FSTL4: variants seen among roughly 807,000 people sequenced by gnomAD.
The protein encoded by FSTL4 is follistatin like 4.
A neutral mutation model predicts 78.2 loss-of-function variants in FSTL4; 28 were observed. The ratio of observed to expected loss-of-function variants is 0.36; its 90% CI spans 0.27 to 0.49. The LOEUF (loss-of-function observed/expected upper bound fraction) is 0.49, where lower values mean the gene tolerates loss of function less well. Among genes scored for constraint, FSTL4 ranks in the 20% least tolerant of loss-of-function variants. The pLI, the probability that FSTL4 is intolerant of heterozygous loss-of-function variation, is 0.98. For synonymous variants in FSTL4, 422 were observed against 440.5 expected, an observed-to-expected ratio of 0.96 and a Z score of 0.53; for missense variants, 922 against 1,084.9, an observed-to-expected ratio of 0.85 and a Z score of 2.11.
chr5:133,472,455 A>C (rs1757844679), intron 3 of FSTL4, among the ~76,000 whole-genome samples: 1 of 152,214 alleles, frequency 6.6e-6, no homozygotes, highest in African/African-American at 2.4e-5. Flanking sequence ...TCCAGAAGAA[A>C]GGACTCCATA....
chr5:133,318,868 T>C (rs1287681892), intron 4 of FSTL4, among the ~76,000 whole-genome samples: 1 of 152,194 alleles, frequency 6.6e-6, no homozygotes, highest in Non-Finnish European at 1.5e-5. Flanking sequence ...CAAGATTCCT[T>C]TCTGGGAGCC....
chr5:133,339,864 C>T (rs1754545600), intron 4 of FSTL4, among the ~76,000 whole-genome samples: 1 of 152,232 alleles, frequency 6.6e-6, no homozygotes, highest in South Asian at 2.1e-4. Flanking sequence ...AGCTCTGCCC[C>T]TGGCTAGGAC....
At chr5:133,303,628 G>T (rs139157289) in intron 6 of FSTL4, among the ~76,000 whole-genome samples, 1 of 152,352 alleles carries the variant, frequency 6.6e-6, no homozygotes, top group East Asian at 1.9e-4. Context: ...GACACAGCTT[G>T]TTCCCGTGCA....
chr5:133,615,611 C>G (rs981692134), upstream of FSTL4, among the ~76,000 whole-genome samples: 1 of 152,188 alleles, frequency 6.6e-6, no homozygotes, highest in Non-Finnish European at 1.5e-5. Context: ...TTATTCTGAT[C>G]TAAACAGAGC....
chr5:133,217,325 T>C lies in FSTL4; in HGVS notation c.1512A>G (p.Val504=), dbSNP rs759740553. 2 of 1,614,088 alleles carry C rather than the reference T, an allele frequency of 1.2e-6. No homozygotes were observed. The highest frequency in any genetic ancestry group is 1.7e-6 in the Non-Finnish European group (2 of 1,179,914). Residue 504 remains valine (V), a synonymous_variant, in exon 13 of 16, where the codon GTA becomes GTG. Coordinates refer to ENST00000265342, the MANE Select transcript of FSTL4 (RefSeq NM_015082.2). ...EKNATQPCQW[V]SAVNVRNRYI... ...ACCGGTTCCGGACATTGACTGCAGA[T>C]ACCCACTGGCAGGGCTGGGTTGCAT...
the FSTL4 span, among the ~76,000 whole-genome samples, chr5:133,653,369 C>T: frequency 6.6e-6 from 1 of 152,108 alleles, no homozygotes; most frequent in East Asian, 1.9e-4. Context: ...CACAAGGCAC[C>T]CCAGCCAATT....
the FSTL4 span, among the ~76,000 whole-genome samples, chr5:133,696,761 C>T: frequency 1.6e-4 from 25 of 152,310 alleles, no homozygotes; most frequent in East Asian, 4.8e-3. Context: ...GTGGGCAGCC[C>T]CCATGAAGAC....
intron 6 of FSTL4, chr5:133,312,437 A>G (rs1294670872): frequency 3.2e-5 from 18 of 569,510 alleles, no homozygotes; most frequent in Non-Finnish European, 4.4e-5. Flanking sequence ...AAAAATCTTT[A>G]TTAAAAAGGA....
the FSTL4 span, among the ~76,000 whole-genome samples, chr5:133,642,940 A>G: frequency 2.6e-5 from 4 of 152,238 alleles, no homozygotes; most frequent in East Asian, 7.7e-4. Flanking sequence ...ATAAAGCACA[A>G]GAACAAATTG....
At chr5:133,395,559 C>T (rs1399639186) in intron 4 of FSTL4, among the ~76,000 whole-genome samples, 1 of 152,226 alleles carries the variant, frequency 6.6e-6, no homozygotes, top group Non-Finnish European at 1.5e-5. Context: ...CTGGACACAA[C>T]ACTGGTCAGC....
chr5:133,207,069 TAA>T (rs1041031784), intron 14 of FSTL4, among the ~76,000 whole-genome samples: 14 of 152,360 alleles, frequency 9.2e-5, no homozygotes, highest in African/African-American at 2.9e-4. Context: ...TACAAAAATT[TAA>T]AGTTTCTTTA....
At chr5:133,383,817 A>AT (rs1351963236) in intron 4 of FSTL4, among the ~76,000 whole-genome samples, 5 of 152,166 alleles carry the variant, frequency 3.3e-5, no homozygotes, top group Non-Finnish European at 7.4e-5. Flanking sequence ...CATTTCTCAG[A>AT]CAAAAGTATC....
At chr5:133,594,971 T>C (rs1198208829) in intron 2 of FSTL4, among the ~76,000 whole-genome samples, 1 of 152,236 alleles carries the variant, frequency 6.6e-6, no homozygotes, top group African/African-American at 2.4e-5. Flanking sequence ...TCTGTGAGGA[T>C]GGCTGGCAAC....
chr5:133,529,180 C>T (rs1702788072), intron 3 of FSTL4, among the ~76,000 whole-genome samples: 1 of 152,184 alleles, frequency 6.6e-6, no homozygotes, highest in African/African-American at 2.4e-5. Context: ...TGTGTGAAGC[C>T]ACTGAAATCA....
In FSTL4 at chr5:133,217,364, AG is replaced by A; in HGVS notation, c.1472del (p.Pro491LeufsTer31). The part of the protein sequence containing the change: ...KIFMSYEEIC[P>X]QREKNATQPC... The stretch of plus-strand genomic sequence containing the variant: ...GCTGGGTTGCATTTTTTTCTCTTTG[AG>A]GACAGATTTCTTCCTGCAAAGGAGA... On this transcript the variant is annotated frameshift_variant, in exon 13 of 16. Transcript: ENST00000265342. LOFTEE classifies it high-confidence loss of function. 5 of 1,614,052 alleles carry A rather than the reference AG, an allele frequency of 3.1e-6. No homozygotes were observed. Among genetic ancestry groups the A allele is most frequent in the Non-Finnish European group, 4.2e-6 (5 of 1,179,974 alleles).
chr5:133,762,296 C>A, the FSTL4 span, among the ~76,000 whole-genome samples: 2 of 152,110 alleles, frequency 1.3e-5, no homozygotes, highest in Non-Finnish European at 2.9e-5. Context: ...TTAAAGGGAC[C>A]TACGGTGACT....
chr5:133,746,481 C>T, the FSTL4 span, among the ~76,000 whole-genome samples: 9 of 152,108 alleles, frequency 5.9e-5, no homozygotes, highest in South Asian at 2.1e-4. Context: ...GTTTGTCTTC[C>T]GAATCTGGAA....
intron 4 of FSTL4, among the ~76,000 whole-genome samples, chr5:133,359,027 T>C (rs758524781): frequency 2.6e-5 from 4 of 152,204 alleles, no homozygotes; most frequent in Non-Finnish European, 5.9e-5. Context: ...GGGGTCTTTC[T>C]GTATACCCTA....
intron 11 of FSTL4, among the ~76,000 whole-genome samples, chr5:133,222,667 A>G (rs113895581): frequency 8.5e-5 from 13 of 152,326 alleles, no homozygotes; most frequent in African/African-American, 2.6e-4. Context: ...CGGCCCTGGA[A>G]TATGAGGCTC....
Sources: allele counts gnomAD v4.1 joint callset (sites outside exome capture counted in the v4.1 genomes callset), GRCh38; gene constraint gnomAD v4.1.1; transcripts MANE v1.5; gene names NCBI Gene and HGNC (gene_info 2026-07-23, HGNC 2026-07-21).